NCOA1: variants seen among roughly 807,000 people sequenced by gnomAD.
NCOA1 encodes Hin-2 protein.
NCOA1 carries 35 observed loss-of-function variants against 150.9 expected under a neutral mutation model. That is an observed-to-expected ratio of 0.23 (90% confidence interval 0.18 to 0.31). NCOA1 has a LOEUF of 0.31. Among genes scored for constraint, NCOA1 ranks in the 10% least tolerant of loss-of-function variants. The probability of loss-of-function intolerance (pLI) is 1.00; values close to 1 mark genes in which losing one functional copy is unlikely to be tolerated. For synonymous variants in NCOA1, 590 were observed against 630.0 expected, an observed-to-expected ratio of 0.94 and a Z score of 0.95; for missense variants, 1,491 against 1,749.3, an observed-to-expected ratio of 0.85 and a Z score of 2.63.
intron 6 of NCOA1, among the ~76,000 whole-genome samples, chr2:24,668,013 C>T (rs1177075364): frequency 1.3e-5 from 2 of 152,112 alleles, no homozygotes; most frequent in Admixed American, 6.5e-5. Context: ...CGAGGGCAAG[C>T]GATTTTGTTT....
rs1294063259 is a variant in NCOA1 at position 24,726,649 on chromosome 2, A to G, written c.2660A>G (p.Asp887Gly). Reference protein sequence around the residue: ...DNQFGQPGTGDQIPWTNNTVT... With the variant: ...DNQFGQPGTGGQIPWTNNTVT... ...CAATTTGGACAACCAGGAACAGGCG[A>G]TCAGATTCCATGGACAAATAATACA... Residue 887 changes from aspartate to glycine, a missense_variant, in exon 15 of 23, where the codon GAT (aspartate) becomes GGT (glycine). Physicochemically the swap from Asp to Gly is moderately conservative, Grantham distance 94. Transcript: ENST00000348332. The G allele has an allele frequency of 8.7e-6, 14 of 1,611,534 alleles. No homozygotes were observed. The highest frequency in any genetic ancestry group is 1.2e-5 in the Non-Finnish European group (14 of 1,178,904).
intron 19 of NCOA1, among the ~76,000 whole-genome samples, chr2:24,743,970 G>A (rs546752371): frequency 6.6e-6 from 1 of 152,274 alleles, no homozygotes; most frequent in South Asian, 2.1e-4. Context: ...AGTCAAGAAA[G>A]GAGAACTTTA....
intron 11 of NCOA1, among the ~76,000 whole-genome samples, chr2:24,702,053 T>A (rs1018137536): frequency 1.3e-5 from 2 of 152,148 alleles, no homozygotes; most frequent in Non-Finnish European, 2.9e-5. Flanking sequence ...CTGGAAAGGG[T>A]TTATGGTATT....
intron 21 of NCOA1, among the ~76,000 whole-genome samples, chr2:24,762,057 G>A (rs1664818105): frequency 1.3e-5 from 2 of 152,234 alleles, no homozygotes; most frequent in Admixed American, 6.5e-5. Flanking sequence ...CTGCTCTGAG[G>A]ATTCTAGCTG....
At chr2:24,757,323 A>T (rs1408993452) in intron 20 of NCOA1, among the ~76,000 whole-genome samples, 1 of 152,220 alleles carries the variant, frequency 6.6e-6, no homozygotes, top group African/African-American at 2.4e-5. Flanking sequence ...ACTGGCACAG[A>T]TACAGTAAAC....
At chr2:24,674,171 G>A (rs1671802575) in intron 7 of NCOA1, among the ~76,000 whole-genome samples, 1 of 142,978 alleles carries the variant, frequency 7.0e-6, no homozygotes, top group African/African-American at 2.5e-5. Context: ...CTATCTCTAG[G>A]TCTAATTATA....
intron 3 of NCOA1, 66 bp from the exon 4 acceptor site, chr2:24,643,900 A>G (rs1670346534): frequency 6.6e-6 from 1 of 151,730 alleles, no homozygotes; most frequent in South Asian, 2.1e-4. Flanking sequence ...GACCTTTATT[A>G]TTTATTGGAG....
intron 15 of NCOA1, 77 bp from the exon 16 acceptor site, chr2:24,728,231 A>G: frequency 1.5e-6 from 2 of 1,306,390 alleles, no homozygotes; most frequent in East Asian, 5.2e-5. Flanking sequence ...CCAAATTTGC[A>G]TCTATATATG....
intron 20 of NCOA1, among the ~76,000 whole-genome samples, chr2:24,754,297 G>C (rs1468795135): frequency 1.3e-5 from 2 of 152,050 alleles, no homozygotes; most frequent in Non-Finnish European, 2.9e-5. Flanking sequence ...TCATCCAGTA[G>C]CTCCCCATCT....
chr2:24,540,462 T>G (rs1572398253), intron 1 of NCOA1, among the ~76,000 whole-genome samples: 1 of 147,998 alleles, frequency 6.8e-6, no homozygotes, highest in East Asian at 2.0e-4. Context: ...AGAACTGGCT[T>G]TTTTTTTTTT....
intron 1 of NCOA1, among the ~76,000 whole-genome samples, chr2:24,542,238 T>C (rs1285155177): frequency 2.1e-5 from 3 of 142,862 alleles, no homozygotes; most frequent in Non-Finnish European, 3.1e-5. Context: ...GTAGCTAAAT[T>C]GAAGACTTTA....
intron 7 of NCOA1, 58 bp from the exon 8 acceptor site, chr2:24,682,893 G>C (rs1017906418): frequency 6.9e-7 from 1 of 1,439,384 alleles, no homozygotes; most frequent in Non-Finnish European, 9.4e-7. Context: ...AAAATGTATA[G>C]TTTAATTTTT....
intron 3 of NCOA1, among the ~76,000 whole-genome samples, chr2:24,636,430 TTC>T (rs1669941330): frequency 6.6e-6 from 1 of 152,200 alleles, no homozygotes; most frequent in Non-Finnish European, 1.5e-5. Flanking sequence ...ACCTTGTGAA[TTC>T]ACCTTACTAA....
At chr2:24,679,281 G>T (rs761036135) in intron 7 of NCOA1, among the ~76,000 whole-genome samples, 24 of 152,178 alleles carry the variant, frequency 1.6e-4, no homozygotes, top group Non-Finnish European at 2.9e-4. Context: ...TCCTTTCCAG[G>T]AGCACACTTT....
intron 1 of NCOA1, among the ~76,000 whole-genome samples, chr2:24,493,025 A>G (rs377566494): frequency 1.1e-4 from 17 of 151,790 alleles, no homozygotes; most frequent in Admixed American, 9.2e-4. Context: ...GGGGCCTCCT[A>G]TGATGTTGTA....
At chr2:24,587,976 A>G (rs1173853760) in intron 3 of NCOA1, among the ~76,000 whole-genome samples, 2 of 152,142 alleles carry the variant, frequency 1.3e-5, no homozygotes, top group Non-Finnish European at 2.9e-5. Flanking sequence ...ACAGCTCATT[A>G]TTCCCCTTTA....
chr2:24,689,219 A>G (rs1224425004), intron 8 of NCOA1, among the ~76,000 whole-genome samples: 1 of 152,160 alleles, frequency 6.6e-6, no homozygotes, highest in Non-Finnish European at 1.5e-5. Flanking sequence ...TTTTGGTTCC[A>G]TATGAATTTT....
Position 24,510,131 on chromosome 2 carries a change from C to A in NCOA1, c.-396+18529C>A, listed in dbSNP as rs370979279. 5.9e-5 allele frequency among the ~76,000 whole-genome samples: 9 copies of A among 152,304 alleles called. No homozygotes were observed. The East Asian group carries it at 1.3e-3, about 23-fold the overall frequency. ...ATGGCATGATCTTGGCTCACTGCAA[C>A]CTACGCCACCCGGGTTCAAGTGATT... On this transcript the variant is annotated intron_variant, in intron 1 of 22. Transcript: ENST00000348332.
At chr2:24,761,567 C>T (rs1664795872) in intron 21 of NCOA1, among the ~76,000 whole-genome samples, 1 of 152,088 alleles carries the variant, frequency 6.6e-6, no homozygotes, top group African/African-American at 2.4e-5. Context: ...TATTTCTCAC[C>T]TATCAGTTCT....
Sources: gnomAD v4.1 joint callset for allele counts (sites outside exome capture counted in the v4.1 genomes callset) on GRCh38, gnomAD v4.1.1 for gene constraint, MANE v1.5 for transcripts, NCBI Gene and HGNC (gene_info 2026-07-23, HGNC 2026-07-21) for gene names.